PIK3C2A: variants seen among roughly 807,000 people sequenced by gnomAD.
The protein encoded by PIK3C2A is phosphatidylinositol 4-phosphate 3-kinase C2 domain-containing subunit alpha.
In PIK3C2A, 97 loss-of-function variants were observed where a neutral mutation model predicts 204.5. That is an observed-to-expected ratio of 0.47 (90% CI 0.40 to 0.56). The LOEUF is 0.56. PIK3C2A is among the 20% of genes least tolerant of loss of function. PIK3C2A has a pLI of 0.00. For missense variants in PIK3C2A, 1,735 were observed against 1,969.2 expected (o/e 0.88, Z 2.25); for synonymous variants, 653 against 664.4 (o/e 0.98, Z 0.26).
chr11:17,137,871 C>T, intron 8 of PIK3C2A: 1 of 326,526 alleles, frequency 3.1e-6, no homozygotes, highest in Non-Finnish European at 5.9e-6. Context: ...CAGAAAGGAC[C>T]CTCCAAGGCC....
intron 1 of PIK3C2A, among the ~76,000 whole-genome samples, chr11:17,171,818 C>T (rs1486772920): frequency 1.3e-5 from 2 of 152,040 alleles, no homozygotes; most frequent in African/African-American, 4.8e-5. Flanking sequence ...ATTATGTTAC[C>T]CAGGCTGGTC....
intron 23 of PIK3C2A, among the ~76,000 whole-genome samples, chr11:17,103,812 T>G (rs1458422065): frequency 6.6e-6 from 1 of 152,220 alleles, no homozygotes; most frequent in African/African-American, 2.4e-5. Context: ...TCCCTCTTAC[T>G]TATTAAATCA....
intron 21 of PIK3C2A, among the ~76,000 whole-genome samples, chr11:17,111,912 A>G (rs1322643796): frequency 6.6e-6 from 1 of 151,464 alleles, no homozygotes; most frequent in Non-Finnish European, 1.5e-5. Flanking sequence ...TTCAAAAAAA[A>G]AAAAAACTTA....
chr11:17,134,890 T>C lies in PIK3C2A; in HGVS notation c.2037A>G (p.Ala679=). 1 of 1,614,210 alleles carries C rather than the reference T, an allele frequency of 6.2e-7. No individual in the cohort carries two copies. The highest frequency in any genetic ancestry group is 8.5e-7 in the Non-Finnish European group (1 of 1,180,016). ...ACTGGAGCTGCTCTGTTGTAGTCCA[T>C]GCTTCCTTGACACTCTTGCTACTTT... The part of the protein sequence containing the change: ...CAQSSKSVKE[A]WTTTEQLQFT... The change falls in exon 11 of 33, where the codon GCA becomes GCG. Residue 679 remains alanine (A), a synonymous_variant. Coordinates refer to ENST00000691414, the MANE Select transcript of PIK3C2A (RefSeq NM_002645.4).
At chr11:17,184,916 G>C (rs1851702038) in intron 1 of PIK3C2A, among the ~76,000 whole-genome samples, 1 of 151,942 alleles carries the variant, frequency 6.6e-6, no homozygotes, top group African/African-American at 2.4e-5. Flanking sequence ...GCACTAGCCT[G>C]ATCAACAGAG....
Position 17,091,987 on chromosome 11 carries a change from T to A in PIK3C2A, c.4642+9A>T, listed in dbSNP as rs771079618. The A allele has an allele frequency of 4.0e-5, 63 of 1,576,122 alleles. No individual in the cohort carries two copies. Among genetic ancestry groups the A allele is most frequent in the Admixed American group, 1.2e-4 (7 of 59,856 alleles). ...GAGTTACCAATAAAGAGAAAAAAAATAATCTCACCTGCAGACCTAGCTATC... is the reference window on the plus strand; with the variant it reads ...GAGTTACCAATAAAGAGAAAAAAAAAAATCTCACCTGCAGACCTAGCTATC... On this transcript the variant is annotated intron_variant, in intron 30 of 32. Coordinates refer to ENST00000691414, the MANE Select transcript of PIK3C2A (RefSeq NM_002645.4).
Position 17,200,937 on chromosome 11 carries a change from G to C in PIK3C2A, c.-66+6911C>G, listed in dbSNP as rs184668338. On this transcript the variant is annotated intron_variant, in intron 1 of 32. Coordinates refer to ENST00000691414, the MANE Select transcript of PIK3C2A (RefSeq NM_002645.4). ...CTAGGCGATTCAAGCCGGGCACGGT[G>C]GCTCATGCCTGTAATCCCAGCACTT... is the stretch of plus-strand genomic sequence containing the variant. 1.5e-3 allele frequency among the ~76,000 whole-genome samples: 225 copies of C among 152,344 alleles called. 2 individuals carry two copies. Among genetic ancestry groups the C allele is most frequent in the Non-Finnish European group, 5.6e-4 (38 of 68,032 alleles).
At chr11:17,109,379 G>T (rs532744242) in intron 22 of PIK3C2A, among the ~76,000 whole-genome samples, 1 of 152,120 alleles carries the variant, frequency 6.6e-6, no homozygotes, top group Non-Finnish European at 1.5e-5. Context: ...TGTTGAATAA[G>T]AATAATGATG....
intron 3 of PIK3C2A, among the ~76,000 whole-genome samples, chr11:17,151,856 C>G (rs930203648): frequency 5.9e-5 from 9 of 152,026 alleles, no homozygotes; most frequent in Admixed American, 5.9e-4. Flanking sequence ...TATAATACAC[C>G]TTTTCTTTAT....
chr11:17,175,182 T>A (rs1176916464), intron 1 of PIK3C2A, among the ~76,000 whole-genome samples: 1 of 152,214 alleles, frequency 6.6e-6, no homozygotes, highest in Non-Finnish European at 1.5e-5. Context: ...AAATTAATCA[T>A]CTGAAATATA....
intron 13 of PIK3C2A, among the ~76,000 whole-genome samples, chr11:17,125,807 G>C (rs923818254): frequency 4.0e-5 from 6 of 151,504 alleles, no homozygotes; most frequent in Non-Finnish European, 8.8e-5. Flanking sequence ...GCTAGCTAAA[G>C]ATTTTCTATA....
At chr11:17,128,579 C>A (rs1291935374) in intron 13 of PIK3C2A, among the ~76,000 whole-genome samples, 2 of 152,200 alleles carry the variant, frequency 1.3e-5, no homozygotes, top group African/African-American at 4.8e-5. Flanking sequence ...ATCTATTCTC[C>A]AGAATGCACC....
intron 4 of PIK3C2A, among the ~76,000 whole-genome samples, chr11:17,149,722 C>A (rs948464426): frequency 3.3e-5 from 5 of 151,984 alleles, no homozygotes; most frequent in African/African-American, 9.7e-5. Context: ...CAAAAAACAA[C>A]AACAACAACA....
At chr11:17,104,036 T>G (rs1386851038) in intron 23 of PIK3C2A, among the ~76,000 whole-genome samples, 1 of 152,176 alleles carries the variant, frequency 6.6e-6, no homozygotes, top group Non-Finnish European at 1.5e-5. Flanking sequence ...ATTAGCTTTG[T>G]AGGTCAACAG....
intron 12 of PIK3C2A, among the ~76,000 whole-genome samples, chr11:17,130,951 C>T (rs1849674778): frequency 9.9e-5 from 15 of 151,888 alleles, no homozygotes; most frequent in Admixed American, 9.8e-4. Context: ...CTTTGGGAGG[C>T]CGAGGTGGGC....
In PIK3C2A at chr11:17,169,563, C is replaced by T; in HGVS notation, c.179G>A (p.Ser60Asn). Residue 60 changes from serine to asparagine, a missense_variant, in exon 2 of 33, where the codon AGC becomes AAC. Coordinates refer to ENST00000691414, the MANE Select transcript of PIK3C2A (RefSeq NM_002645.4). ...DNQRGFELSSSTRKKAQVYNK... is the reference protein window; with the variant it reads ...DNQRGFELSSNTRKKAQVYNK... Reference sequence around the variant, plus strand: ...ATAAACCTGTGCTTTTTTTCTGGTGCTGCTTGACAACTCAAAGCCTCTCTG... The same window carrying T: ...ATAAACCTGTGCTTTTTTTCTGGTGTTGCTTGACAACTCAAAGCCTCTCTG... 6.2e-7 allele frequency: 1 copy of T among 1,614,078 alleles called. No individual in the cohort carries two copies. Among genetic ancestry groups the T allele is most frequent in the African/African-American group, 1.3e-5 (1 of 75,026 alleles).
chr11:17,169,535 G>A lies in PIK3C2A; in HGVS notation c.207C>T (p.Asn69=). ...ACACCATGAGATCATAATCCTGCTTGTTATAAACCTGTGCTTTTTTTCTGG... is the reference window on the plus strand; with the variant it reads ...ACACCATGAGATCATAATCCTGCTTATTATAAACCTGTGCTTTTTTTCTGG... The part of the protein sequence containing the change: ...SSTRKKAQVY[N]KQDYDLMVFP... Residue 69 remains asparagine, a synonymous_variant, in exon 2 of 33, where the codon AAC becomes AAT. Coordinates refer to ENST00000691414, the MANE Select transcript of PIK3C2A (RefSeq NM_002645.4). 1 of 1,614,058 alleles carries A rather than the reference G, an allele frequency of 6.2e-7. No individual in the cohort carries two copies. The highest frequency in any genetic ancestry group is 8.5e-7 in the Non-Finnish European group (1 of 1,179,982).
intron 1 of PIK3C2A, among the ~76,000 whole-genome samples, chr11:17,174,115 C>G (rs61879721): frequency 0.12 from 17,694 of 151,952 alleles, 1,273 homozygotes; most frequent in Middle Eastern, 0.24. Flanking sequence ...CGTGAACCAC[C>G]TCACCTGGCT....
chr11:17,119,880 T>G lies in PIK3C2A; in HGVS notation c.2752A>C (p.Asn918His). 10 of 1,611,966 alleles carry G rather than the reference T, an allele frequency of 6.2e-6. No homozygotes were observed. The highest frequency in any genetic ancestry group is 8.5e-6 in the Non-Finnish European group (10 of 1,178,742). The change falls in exon 16 of 33, where the codon AAC becomes CAC. Residue 918 changes from asparagine to histidine, a missense_variant. Physicochemically the swap from Asn to His is moderately conservative, Grantham distance 68. Around this residue, in one of 6 missense-constraint regions of PIK3C2A, gnomAD observed 567 missense variants for 576.0 expected, o/e 0.98. Coordinates refer to ENST00000691414, the MANE Select transcript of PIK3C2A (RefSeq NM_002645.4). ...TTGGCAAGATTAACCCATTTCCAGT[T>G]TGGGGCGCTTGCTAATATTTTAGGA... ...CLPKILASAP[N>H]WKWVNLAKTY...
Sources: gnomAD v4.1 joint callset for allele counts (sites outside exome capture counted in the v4.1 genomes callset) on GRCh38, gnomAD v4.1.1 for gene constraint, gnomAD v4.1.1 regional missense constraint, MANE v1.5 for transcripts, NCBI Gene and HGNC (gene_info 2026-07-23, HGNC 2026-07-21) for gene names.